The following CDH12 variants were observed in gnomAD, a reference collection of about 807,000 sequenced individuals.
CDH12 encodes the protein cadherin-12.
A neutral mutation model predicts 74.1 loss-of-function variants in CDH12; 41 were observed. The observed-to-expected ratio is 0.55, with a 90% CI of 0.43 to 0.72. CDH12 has a LOEUF of 0.72. Ranked by LOEUF, CDH12 falls within the 30% of genes least tolerant of loss-of-function variation. The pLI is 0.00. For synonymous variants in CDH12, 399 were observed against 355.0 expected (o/e 1.12, Z -1.39); for missense variants, 945 against 977.2 (o/e 0.97, Z 0.44).
chr5:22,541,583 T>A (rs1201783133), intron 1 of CDH12, among the ~76,000 whole-genome samples: 1 of 152,174 alleles, frequency 6.6e-6, no homozygotes, highest in Non-Finnish European at 1.5e-5. Context: ...ATTCTTGGTA[T>A]CCTGTAAAAA....
At chr5:22,078,127 TCTAA>T (rs1247042262) in intron 5 of CDH12, among the ~76,000 whole-genome samples, 3 of 152,170 alleles carry the variant, frequency 2.0e-5, no homozygotes, top group African/African-American at 7.2e-5. Context: ...ATACTATACT[TCTAA>T]CTATGGTTAT....
intron 1 of CDH12, among the ~76,000 whole-genome samples, chr5:22,787,251 C>G (rs1302313083): frequency 6.6e-6 from 1 of 152,046 alleles, no homozygotes; most frequent in Non-Finnish European, 1.5e-5. Context: ...TTTCATTCCA[C>G]TTTCTTCTAT....
At chr5:22,352,795 G>A (rs16894443) in intron 3 of CDH12, among the ~76,000 whole-genome samples, 10,968 of 152,128 alleles carry the variant, frequency 0.072, 453 homozygotes, top group South Asian at 0.16. Context: ...TACTGGAACT[G>A]GCAAAAATAT....
intron 1 of CDH12, among the ~76,000 whole-genome samples, chr5:22,611,841 C>A (rs1737419216): frequency 6.6e-6 from 1 of 152,050 alleles, no homozygotes; most frequent in African/African-American, 2.4e-5. Context: ...CAGAAGAGTG[C>A]AGAGTGGATC....
chr5:22,823,311 C>T (rs547608700), intron 1 of CDH12, among the ~76,000 whole-genome samples: 10 of 151,852 alleles, frequency 6.6e-5, no homozygotes, highest in Non-Finnish European at 1.0e-4. Flanking sequence ...TGCAGCGCAC[C>T]AGCATGGCAC....
At chr5:21,949,972 A>C (rs948531985) in intron 6 of CDH12, among the ~76,000 whole-genome samples, 1 of 152,160 alleles carries the variant, frequency 6.6e-6, no homozygotes, top group Non-Finnish European at 1.5e-5. Flanking sequence ...ATTTACGCTC[A>C]CTCACCACTT....
chr5:22,275,905 A>G (rs888145245), intron 3 of CDH12, among the ~76,000 whole-genome samples: 13 of 152,186 alleles, frequency 8.5e-5, no homozygotes, highest in Non-Finnish European at 1.6e-4. Flanking sequence ...TTGGTGACAG[A>G]GTAGTGTCCT....
intron 3 of CDH12, among the ~76,000 whole-genome samples, chr5:22,326,618 A>G (rs1235731335): frequency 1.3e-5 from 2 of 152,214 alleles, no homozygotes; most frequent in Admixed American, 1.3e-4. Context: ...CACATCAAAT[A>G]TATGCTCAAA....
chr5:21,862,032 G>A (rs571078711), intron 6 of CDH12, among the ~76,000 whole-genome samples: 9 of 151,888 alleles, frequency 5.9e-5, no homozygotes, highest in African/African-American at 1.9e-4. Context: ...TCATTTTTAT[G>A]TGGTTATTTT....
At chr5:22,757,038 A>G (rs1178764650) in intron 1 of CDH12, among the ~76,000 whole-genome samples, 1 of 152,030 alleles carries the variant, frequency 6.6e-6, no homozygotes, top group Non-Finnish European at 1.5e-5. Context: ...TCTACCCTCT[A>G]CTTCCTCAAT....
chr5:22,078,749 A>T lies in CDH12; in HGVS notation c.-73T>A. 6.4e-7 allele frequency: 1 copy of T among 1,565,648 alleles called. No individual in the cohort carries two copies. Among genetic ancestry groups the T allele is most frequent in the Non-Finnish European group, 8.6e-7 (1 of 1,156,752 alleles). Reference sequence around the variant, plus strand: ...CGTAGAATTGTGGAATCCAGGTTTGAGGTGTCTGTGGCCTCCACCACTTAG... The same window carrying T: ...CGTAGAATTGTGGAATCCAGGTTTGTGGTGTCTGTGGCCTCCACCACTTAG... On this transcript the variant is annotated 5_prime_UTR_variant, in exon 5 of 15. Transcript: ENST00000382254.
chr5:22,754,355 T>C (rs1745767753), intron 1 of CDH12, among the ~76,000 whole-genome samples: 2 of 152,176 alleles, frequency 1.3e-5, no homozygotes, highest in South Asian at 4.1e-4. Context: ...ACACTGTCTT[T>C]GGCTTCACAG....
chr5:21,830,645 T>C (rs889604062), intron 8 of CDH12, among the ~76,000 whole-genome samples: 3 of 152,114 alleles, frequency 2.0e-5, no homozygotes, highest in Admixed American at 6.6e-5. Context: ...TTCAGTTTAG[T>C]CAGGCCCCAG....
At chr5:22,365,486 C>T (rs1307785054) in intron 3 of CDH12, among the ~76,000 whole-genome samples, 4 of 152,094 alleles carry the variant, frequency 2.6e-5, no homozygotes, top group African/African-American at 9.7e-5. Context: ...TTGAAAAGAG[C>T]TTGTAGTCCT....
At chr5:21,872,035 C>G (rs1751651146) in intron 6 of CDH12, among the ~76,000 whole-genome samples, 2 of 151,946 alleles carry the variant, frequency 1.3e-5, no homozygotes, top group African/African-American at 4.8e-5. Flanking sequence ...TAATGAAAAC[C>G]TTTAAGATGG....
chr5:22,569,163 T>C (rs1739427078), intron 1 of CDH12, among the ~76,000 whole-genome samples: 2 of 152,224 alleles, frequency 1.3e-5, no homozygotes, highest in Non-Finnish European at 2.9e-5. Flanking sequence ...TTTGGATATA[T>C]GTCCCTCCCC....
At chr5:22,526,653 T>G (rs555981009) in intron 1 of CDH12, among the ~76,000 whole-genome samples, 1 of 152,298 alleles carries the variant, frequency 6.6e-6, no homozygotes, top group South Asian at 2.1e-4. Flanking sequence ...AAGATCCATC[T>G]GTCTTCAGCA....
chr5:22,450,845 T>A (rs1376827397), intron 2 of CDH12, among the ~76,000 whole-genome samples: 1 of 150,940 alleles, frequency 6.6e-6, no homozygotes, highest in Non-Finnish European at 1.5e-5. Context: ...AATTCTCCTG[T>A]CTCCAGGTTT....
chr5:22,369,247 A>G (rs1443623568), intron 3 of CDH12, among the ~76,000 whole-genome samples: 1 of 152,232 alleles, frequency 6.6e-6, no homozygotes, highest in African/African-American at 2.4e-5. Flanking sequence ...ATTTTGCTTC[A>G]TACGCTAAAA....
Sources: allele counts gnomAD v4.1 joint callset (sites outside exome capture counted in the v4.1 genomes callset), GRCh38; gene constraint gnomAD v4.1.1; transcripts MANE v1.5; gene names NCBI Gene and HGNC (gene_info 2026-07-23, HGNC 2026-07-21).